The following GPSM2 variants were observed in gnomAD, a reference collection of about 807,000 sequenced individuals.
The protein encoded by GPSM2 is G protein signaling modulator 2.
GPSM2 carries 58 observed loss-of-function variants against 78.4 expected under a neutral mutation model. The ratio of observed to expected loss-of-function variants is 0.74; its 90% CI spans 0.60 to 0.92. The LOEUF is 0.92. Among genes scored for constraint, GPSM2 ranks in the 40% least tolerant of loss-of-function variants. The pLI, the probability that GPSM2 is intolerant of heterozygous loss-of-function variation, is 0.00. For missense variants in GPSM2, 700 were observed against 815.5 expected (o/e 0.86, Z 1.73); for synonymous variants, 224 against 280.2 (o/e 0.80, Z 2.00).
At chr1:108,915,178 C>G (rs1040078481) in intron 11 of GPSM2, among the ~76,000 whole-genome samples, 1 of 151,616 alleles carries the variant, frequency 6.6e-6, no homozygotes, top group Non-Finnish European at 1.5e-5. Flanking sequence ...CGAGACCATC[C>G]TGGCCAACAT....
chr1:108,920,984 C>T (rs1006741368), intron 12 of GPSM2, among the ~76,000 whole-genome samples: 2 of 152,120 alleles, frequency 1.3e-5, no homozygotes, highest in East Asian at 3.9e-4. Context: ...AAATTCAACA[C>T]GTTAAAAACG....
rs1459336156 is a variant in GPSM2 at position 108,929,956 on chromosome 1, T to A, written c.*16T>A. On this transcript the variant is annotated 3_prime_UTR_variant, in exon 15 of 15. Coordinates refer to ENST00000264126, the MANE Select transcript of GPSM2 (RefSeq NM_013296.5). The stretch of plus-strand genomic sequence containing the variant: ...AGACCATTAGTTACTATGGATTTAT[T>A]TTTTTTCCTTTCAAACACGGTAAGG... The A allele has an allele frequency of 1.2e-6, 2 of 1,609,070 alleles. No homozygotes were observed. Among genetic ancestry groups the A allele is most frequent in the Non-Finnish European group, 1.7e-6 (2 of 1,176,174 alleles).
intron 2 of GPSM2, among the ~76,000 whole-genome samples, chr1:108,891,620 G>A (rs184489239): frequency 6.0e-5 from 9 of 151,224 alleles, no homozygotes; most frequent in East Asian, 3.9e-4. Context: ...TCAGCCTCCC[G>A]AGTAGCTGGG....
chr1:108,908,329 C>T (rs1437187086), intron 10 of GPSM2, among the ~76,000 whole-genome samples: 1 of 149,328 alleles, frequency 6.7e-6, no homozygotes, highest in Non-Finnish European at 1.5e-5. Flanking sequence ...CGAGATTGCT[C>T]CACTGCACTC....
chr1:108,913,608 G>T, intron 10 of GPSM2, among the ~76,000 whole-genome samples: 1 of 152,232 alleles, frequency 6.6e-6, no homozygotes, highest in African/African-American at 2.4e-5. Flanking sequence ...GTATTGCTAA[G>T]AAATACATAC....
intron 10 of GPSM2, among the ~76,000 whole-genome samples, chr1:108,906,129 A>AT (rs1649199177): frequency 6.6e-6 from 1 of 152,194 alleles, no homozygotes. Flanking sequence ...TCTCCTAAAC[A>AT]TGTTCTTCCT....
intron 2 of GPSM2, 32 bp from the exon 3 acceptor site, chr1:108,896,832 T>A: frequency 6.9e-7 from 1 of 1,449,510 alleles, no homozygotes; most frequent in African/African-American, 1.4e-5. Flanking sequence ...TGTAATGTTA[T>A]GTTTAAATGT....
chr1:108,901,800 C>T lies in GPSM2; in HGVS notation c.808C>T (p.Leu270=). 1.9e-6 allele frequency: 3 copies of T among 1,610,514 alleles called. No individual in the cohort carries two copies. The highest frequency in any genetic ancestry group is 2.5e-6 in the Non-Finnish European group (3 of 1,176,764). Residue 270 remains leucine, a synonymous_variant, in exon 8 of 15, where the codon CTG becomes TTG. Transcript: ENST00000264126. ...TASEYYKKTL[L]LARQLKDRAV... ...AATTTCTTCTTGTAGGAAGACACTA[C>T]TGTTGGCCCGACAGCTTAAAGACCG...
At chr1:108,906,137 C>T (rs1314193889) in intron 10 of GPSM2, among the ~76,000 whole-genome samples, 1 of 152,130 alleles carries the variant, frequency 6.6e-6, no homozygotes, top group African/African-American at 2.4e-5. Flanking sequence ...ACATGTTCTT[C>T]CTGTACCCCA....
At chr1:108,888,109 G>T (rs765497122) in intron 2 of GPSM2, among the ~76,000 whole-genome samples, 1 of 152,164 alleles carries the variant, frequency 6.6e-6, no homozygotes, top group African/African-American at 2.4e-5. Flanking sequence ...GAGTGCAGTG[G>T]TGTGCAATCT....
chr1:108,910,590 C>G (rs1030727443), intron 10 of GPSM2, among the ~76,000 whole-genome samples: 1 of 152,136 alleles, frequency 6.6e-6, no homozygotes, highest in Non-Finnish European at 1.5e-5. Flanking sequence ...GGGAGCCGGG[C>G]GCAGTGGCTC....
Position 108,931,640 on chromosome 1 carries a change from A to AAAC in GPSM2, c.*1702_*1703insCAA. The AAAC allele has an allele frequency of 8.9e-7, 1 of 1,121,448 alleles. No homozygotes were observed. 69.5% of individuals were successfully genotyped at this position (1,121,448 alleles called of 1,614,324 possible). ...TTAAGTGCTCAGCTAAAAAAAAAAA[A>AAAC]AAAGTTCTAAATTACAACCTGGATT... On this transcript the variant is annotated 3_prime_UTR_variant, in exon 15 of 15. Transcript: ENST00000264126.
chr1:108,928,723 T>C (rs1343451041), intron 14 of GPSM2, among the ~76,000 whole-genome samples: 1 of 152,168 alleles, frequency 6.6e-6, no homozygotes, highest in Non-Finnish European at 1.5e-5. Flanking sequence ...GAGACCAGGC[T>C]CATGCCTGTA....
At chr1:108,893,481 T>A (rs1254904107) in intron 2 of GPSM2, among the ~76,000 whole-genome samples, 3 of 152,204 alleles carry the variant, frequency 2.0e-5, no homozygotes, top group Non-Finnish European at 4.4e-5. Flanking sequence ...ATTTGTGGTT[T>A]TTTTGCTGCT....
chr1:108,894,689 CTG>C (rs1648227082), intron 2 of GPSM2, among the ~76,000 whole-genome samples: 1 of 151,274 alleles, frequency 6.6e-6, no homozygotes, highest in South Asian at 2.1e-4. Flanking sequence ...CAGTGAGAGA[CTG>C]TGTCTCAAAA....
chr1:108,915,822 A>G (rs1650172514), intron 11 of GPSM2, among the ~76,000 whole-genome samples: 1 of 152,244 alleles, frequency 6.6e-6, no homozygotes, highest in African/African-American at 2.4e-5. Context: ...AAATCTGAAC[A>G]CAGAAATCAA....
chr1:108,883,371 T>G (rs1039670390), intron 1 of GPSM2, among the ~76,000 whole-genome samples: 34 of 152,332 alleles, frequency 2.2e-4, no homozygotes, highest in African/African-American at 7.7e-4. Flanking sequence ...GAAGAGGAAT[T>G]AGGCTTTATT....
chr1:108,931,681 T>A lies in GPSM2; in HGVS notation c.*1741T>A. On this transcript the variant is annotated 3_prime_UTR_variant, in exon 15 of 15. Transcript: ENST00000264126. The stretch of plus-strand genomic sequence containing the variant: ...AACCTGGATTACATTATGTTTCATG[T>A]ATACTATAAGGTATGATGTCCTGGA... 1.4e-6 allele frequency: 1 copy of A among 733,656 alleles called. No homozygotes were observed. Among genetic ancestry groups the A allele is most frequent in the Non-Finnish European group, 2.0e-6 (1 of 495,272 alleles). The allele number at this position is 733,656 out of a possible 1,614,324, so 45.4% of individuals were successfully genotyped here. A position where few individuals can be genotyped will look rare whatever the true frequency, so the allele number is the denominator to read the frequency against.
chr1:108,934,402 C>T lies in GPSM2; in HGVS notation c.*4462C>T, dbSNP rs1310797017. 7.1e-6 allele frequency: 3 copies of T among 420,548 alleles called. No homozygotes were observed. The highest frequency in any genetic ancestry group is 6.4e-4 in the Middle Eastern group (1 of 1,554). The allele number at this position is 420,548 out of a possible 1,614,324, so 26.1% of individuals were successfully genotyped here. A position where few individuals can be genotyped will look rare whatever the true frequency, so the allele number is the denominator to read the frequency against. On this transcript the variant is annotated 3_prime_UTR_variant, in exon 15 of 15. Transcript: ENST00000264126. ...CCTTAACTATCCAGAATCAGTGATG[C>T]CTGTCATCTGTTCATCTTAAAATAA...
Sources: gnomAD v4.1 joint callset for allele counts (sites outside exome capture counted in the v4.1 genomes callset) on GRCh38, gnomAD v4.1.1 for gene constraint, MANE v1.5 for transcripts, NCBI Gene and HGNC (gene_info 2026-07-23, HGNC 2026-07-21) for gene names.